The following NALF1 variants were observed in gnomAD, a reference collection of about 807,000 sequenced individuals.
NALF1 encodes the protein family with sequence similarity 155 member A.
Under a neutral mutation model 48.4 loss-of-function variants are expected in NALF1, and 3 were observed. That is an observed-to-expected ratio of 0.06 (90% confidence interval 0.03 to 0.16). NALF1 has a LOEUF of 0.16. NALF1 is among the 10% of genes least tolerant of loss of function. The probability of loss-of-function intolerance (pLI) is 1.00; values close to 1 mark genes in which losing one functional copy is unlikely to be tolerated. For missense variants in NALF1, 526 were observed against 571.5 expected, an observed-to-expected ratio of 0.92 and a Z score of 0.81; for synonymous variants, 262 against 245.7, an observed-to-expected ratio of 1.07 and a Z score of -0.62.
At chr13:107,617,391 A>G (rs989523021) in intron 1 of NALF1, among the ~76,000 whole-genome samples, 1 of 152,170 alleles carries the variant, frequency 6.6e-6, no homozygotes, top group Admixed American at 6.6e-5. Context: ...AAAGGATTCT[A>G]TGTTTGGCTT....
At chr13:107,849,379 T>G (rs2138640725) in intron 1 of NALF1, among the ~76,000 whole-genome samples, 1 of 152,268 alleles carries the variant, frequency 6.6e-6, no homozygotes. Context: ...TCCTCTAAAG[T>G]TTGTAAGACT....
At chr13:107,412,415 T>G (rs1163061883) in intron 1 of NALF1, among the ~76,000 whole-genome samples, 2 of 152,248 alleles carry the variant, frequency 1.3e-5, no homozygotes, top group Middle Eastern at 3.4e-3. Context: ...CACTAAAACC[T>G]TCAGGGCTCC....
At chr13:107,543,940 G>A (rs1015513203) in intron 1 of NALF1, among the ~76,000 whole-genome samples, 1 of 151,832 alleles carries the variant, frequency 6.6e-6, no homozygotes. Flanking sequence ...AAATATCTAT[G>A]GTTGATAAAA....
intron 1 of NALF1, among the ~76,000 whole-genome samples, chr13:107,214,559 T>C (rs934821330): frequency 6.6e-6 from 1 of 152,200 alleles, no homozygotes; most frequent in Admixed American, 6.5e-5. Context: ...TTCCCCTTGA[T>C]GGCCAGTGCC....
intron 1 of NALF1, among the ~76,000 whole-genome samples, chr13:107,709,426 C>T (rs1188035114): frequency 6.6e-6 from 1 of 152,168 alleles, no homozygotes; most frequent in Admixed American, 6.5e-5. Flanking sequence ...TAATTCATGA[C>T]ACCCTCTGTC....
chr13:107,629,151 GC>G (rs1283243697), intron 1 of NALF1, among the ~76,000 whole-genome samples: 1 of 152,068 alleles, frequency 6.6e-6, no homozygotes, highest in African/African-American at 2.4e-5. Context: ...ATAATTGAAG[GC>G]CAAGTTGACA....
chr13:107,563,099 C>T (rs1017577299), intron 1 of NALF1, among the ~76,000 whole-genome samples: 1 of 152,110 alleles, frequency 6.6e-6, no homozygotes, highest in Non-Finnish European at 1.5e-5. Context: ...CAACAAAAAA[C>T]CATTTACTGA....
At chr13:107,565,823 C>A (rs1226917011) in intron 1 of NALF1, among the ~76,000 whole-genome samples, 1 of 152,092 alleles carries the variant, frequency 6.6e-6, no homozygotes, top group Non-Finnish European at 1.5e-5. Flanking sequence ...AATACTTTGT[C>A]CAGGCCAATT....
intron 1 of NALF1, among the ~76,000 whole-genome samples, chr13:107,244,116 T>C (rs1880530385): frequency 1.3e-5 from 2 of 152,216 alleles, no homozygotes; most frequent in Non-Finnish European, 2.9e-5. Flanking sequence ...TTCCCTCCAC[T>C]GGAAGTCATT....
At chr13:107,547,384 T>C (rs973837332) in intron 1 of NALF1, among the ~76,000 whole-genome samples, 1 of 152,226 alleles carries the variant, frequency 6.6e-6, no homozygotes, top group Admixed American at 6.5e-5. Context: ...TTTCAATTAC[T>C]TTGGAACTTA....
chr13:107,201,330 C>G (rs1566449165), intron 2 of NALF1, among the ~76,000 whole-genome samples: 2 of 152,174 alleles, frequency 1.3e-5, no homozygotes, highest in Non-Finnish European at 1.5e-5. Flanking sequence ...TTAAAATTCC[C>G]TCTGGGGAGG....
At chr13:107,586,581 C>G (rs1339615339) in intron 1 of NALF1, among the ~76,000 whole-genome samples, 2 of 144,412 alleles carry the variant, frequency 1.4e-5, no homozygotes, top group Non-Finnish European at 3.0e-5. Flanking sequence ...AATATATTTT[C>G]AAAAAGTAAT....
chr13:107,650,499 G>A (rs1369824595), intron 1 of NALF1, among the ~76,000 whole-genome samples: 5 of 150,826 alleles, frequency 3.3e-5, no homozygotes, highest in East Asian at 2.0e-4. Context: ...ACCAAACATC[G>A]TATGTTCTCA....
chr13:107,779,401 T>C (rs898811584), intron 1 of NALF1, among the ~76,000 whole-genome samples: 2 of 152,242 alleles, frequency 1.3e-5, no homozygotes, highest in African/African-American at 4.8e-5. Context: ...GAGTATCCAG[T>C]TCAGATCCTA....
At chr13:107,440,796 C>A (rs1884546052) in intron 1 of NALF1, among the ~76,000 whole-genome samples, 1 of 152,098 alleles carries the variant, frequency 6.6e-6, no homozygotes, top group African/African-American at 2.4e-5. Context: ...TCAGGCTGAA[C>A]CTGTCTCACA....
chr13:107,591,147 A>T (rs1878591897), intron 1 of NALF1, among the ~76,000 whole-genome samples: 1 of 152,024 alleles, frequency 6.6e-6, no homozygotes, highest in Non-Finnish European at 1.5e-5. Flanking sequence ...CCATTAAGAT[A>T]ACTCAATAGT....
intron 1 of NALF1, among the ~76,000 whole-genome samples, chr13:107,374,543 T>A (rs118083639): frequency 2.4e-4 from 36 of 152,102 alleles, no homozygotes; most frequent in Non-Finnish European, 4.4e-4. Context: ...CATTTTATAA[T>A]CAACATGGTA....
At chr13:107,329,391 C>G (rs1882425127) in intron 1 of NALF1, among the ~76,000 whole-genome samples, 1 of 152,066 alleles carries the variant, frequency 6.6e-6, no homozygotes, top group Admixed American at 6.6e-5. Context: ...TCTCAACTAT[C>G]CAGGGAGCAC....
At chr13:107,289,277 T>C (rs1485807422) in intron 1 of NALF1, among the ~76,000 whole-genome samples, 3 of 152,172 alleles carry the variant, frequency 2.0e-5, no homozygotes, top group African/African-American at 7.2e-5. Flanking sequence ...CACTATGTTG[T>C]ATATTTACAC....
Sources: allele counts gnomAD v4.1 joint callset (sites outside exome capture counted in the v4.1 genomes callset), GRCh38; gene constraint gnomAD v4.1.1; transcripts MANE v1.5; gene names NCBI Gene and HGNC (gene_info 2026-07-23, HGNC 2026-07-21).